Variants in ZNF519 observed in about 807,000 individuals in gnomAD.
ZNF519 encodes similar to Zinc finger protein 85 (Zinc finger protein HPF4) (HTF1).
A neutral mutation model predicts 7.4 loss-of-function variants in ZNF519; 7 were observed. The ratio of observed to expected loss-of-function variants is 0.94; its 90% CI spans 0.54 to 1.77. The LOEUF (loss-of-function observed/expected upper bound fraction) is 1.77, where lower values mean the gene tolerates loss of function less well. ZNF519 is among the 40% of genes most tolerant of loss of function. The pLI, the probability that ZNF519 is intolerant of heterozygous loss-of-function variation, is 0.00. For missense variants in ZNF519, 586 were observed against 623.1 expected (o/e 0.94, Z 0.63); for synonymous variants, 179 against 203.3 (o/e 0.88, Z 1.02).
At position 14,104,288 on chromosome 18, in the gene ZNF519, C is replaced by A. The variant is rs1408520683; in HGVS notation, c.*629G>T. 6.6e-6 allele frequency: 1 copy of A among 152,156 alleles called. No individual in the cohort carries two copies. Among genetic ancestry groups the A allele is most frequent in the African/African-American group, 2.4e-5 (1 of 41,436 alleles). 9.4% of individuals were successfully genotyped at this position (152,156 alleles called of 1,614,324 possible). ...TTCTGTCTCACACTTTAATGCAGAACAATAATATTCTGAACACCTAACTCA... is the reference window on the plus strand; with the variant it reads ...TTCTGTCTCACACTTTAATGCAGAAAAATAATATTCTGAACACCTAACTCA... On this transcript the variant is annotated 3_prime_UTR_variant, in exon 3 of 3. Coordinates refer to ENST00000590202, the MANE Select transcript of ZNF519 (RefSeq NM_145287.4).
At chr18:14,132,254 C>T (rs1411226481) in intron 1 of ZNF519, 21 bp downstream of exon 1, 4 of 1,613,562 alleles carry the variant, frequency 2.5e-6, no homozygotes, top group African/African-American at 2.7e-5. Flanking sequence ...AGTCTCGGTA[C>T]GCCCTGCCCC....
intron 2 of ZNF519, among the ~76,000 whole-genome samples, chr18:14,108,737 A>C (rs2046206554): frequency 6.6e-6 from 1 of 152,216 alleles, no homozygotes; most frequent in South Asian, 2.1e-4. Context: ...TAGTAGCTAT[A>C]CTTATATCAG....
intron 2 of ZNF519, among the ~76,000 whole-genome samples, chr18:14,111,069 G>C (rs1426831233): frequency 6.9e-6 from 1 of 144,740 alleles, no homozygotes; most frequent in East Asian, 2.0e-4. Flanking sequence ...AGCAAACAAA[G>C]CCAAAATTAG....
At chr18:14,117,737 T>C (rs1217385427) in intron 2 of ZNF519, among the ~76,000 whole-genome samples, 1 of 151,930 alleles carries the variant, frequency 6.6e-6, no homozygotes, top group Non-Finnish European at 1.5e-5. Context: ...AGGGAGTGAG[T>C]CATCTCACAT....
chr18:14,078,421 T>G (rs1598505892), intron 3 of ZNF519: 1 of 152,196 alleles, frequency 6.6e-6, no homozygotes, highest in African/African-American at 2.4e-5. Flanking sequence ...GACTCCAAAC[T>G]GCACAATATT....
rs190230493 is a variant in ZNF519 at position 14,086,453 on chromosome 18, G to A, written c.131-1377C>T. 6.8e-3 allele frequency among the ~76,000 whole-genome samples: 1,043 copies of A among 152,322 alleles called. 30 individuals are homozygous for A. The highest frequency in any genetic ancestry group is 0.053 in the Admixed American group (807 of 15,302). On this transcript the variant is annotated intron_variant and NMD_transcript_variant, in intron 2 of 4. Coordinates refer to the ZNF519 transcript ENST00000587419. ...ATGATGTAGCATCATAGCAGCTGTG[G>A]TGGCCACAGGACTCCCTGTCTCATC...
At chr18:14,114,666 G>T (rs1157845759) in intron 2 of ZNF519, among the ~76,000 whole-genome samples, 1 of 152,128 alleles carries the variant, frequency 6.6e-6, no homozygotes, top group East Asian at 1.9e-4. Context: ...AGTATAGTGG[G>T]GGGTTGGTGG....
intron 2 of ZNF519, chr18:14,090,647 T>G (rs2046110718): frequency 6.6e-6 from 1 of 152,300 alleles, no homozygotes; most frequent in Non-Finnish European, 1.5e-5. Context: ...TCACTTCGAC[T>G]CCATCTGAGG....
chr18:14,113,289 ACT>A (rs1360425457), intron 2 of ZNF519, among the ~76,000 whole-genome samples: 1 of 152,218 alleles, frequency 6.6e-6, no homozygotes, highest in African/African-American at 2.4e-5. Context: ...CCCTCTGCTC[ACT>A]GAGATAAATG....
intron 2 of ZNF519, among the ~76,000 whole-genome samples, chr18:14,106,786 G>A (rs1182435569): frequency 1.3e-5 from 2 of 152,088 alleles, no homozygotes; most frequent in African/African-American, 4.8e-5. Context: ...GATAGAAGCT[G>A]TACACTTGGG....
At chr18:14,087,770 C>A (rs893070665) in intron 2 of ZNF519, among the ~76,000 whole-genome samples, 2 of 152,162 alleles carry the variant, frequency 1.3e-5, no homozygotes, top group African/African-American at 4.8e-5. Context: ...ATAAAAAGAG[C>A]ATAGCTTGGT....
intron 2 of ZNF519, among the ~76,000 whole-genome samples, chr18:14,113,622 C>T (rs1031298628): frequency 2.6e-5 from 4 of 151,892 alleles, no homozygotes; most frequent in African/African-American, 7.3e-5. Context: ...GTGCAAATCT[C>T]TCTCTGATGT....
intron 1 of ZNF519, among the ~76,000 whole-genome samples, chr18:14,125,467 C>T (rs1328641894): frequency 6.6e-6 from 1 of 152,138 alleles, no homozygotes; most frequent in Non-Finnish European, 1.5e-5. Flanking sequence ...GATTTAAATG[C>T]AGGGCCTGCC....
At chr18:14,082,866 T>G (rs796413530) in intron 3 of ZNF519, 1 of 152,196 alleles carries the variant, frequency 6.6e-6, no homozygotes, top group African/African-American at 2.4e-5. Context: ...TTTTAAAAAT[T>G]CTGTAGAGAC....
intron 3 of ZNF519, among the ~76,000 whole-genome samples, chr18:14,079,006 A>G (rs2046059773): frequency 6.6e-6 from 1 of 152,230 alleles, no homozygotes; most frequent in South Asian, 2.1e-4. Context: ...TATCCTTGGC[A>G]TAAGCTGGCA....
intron 1 of ZNF519, among the ~76,000 whole-genome samples, chr18:14,129,982 G>C (rs1413356675): frequency 1.3e-5 from 2 of 152,110 alleles, no homozygotes; most frequent in African/African-American, 4.8e-5. Context: ...AGCTGGGGCA[G>C]GTAGGTAATT....
chr18:14,105,152 T>G lies in ZNF519; in HGVS notation c.1388A>C (p.Glu463Ala). 6.2e-7 allele frequency: 1 copy of G among 1,613,372 alleles called. No homozygotes were observed. The highest frequency in any genetic ancestry group is 1.1e-5 in the South Asian group (1 of 91,034). Residue 463 changes from glutamate to alanine, a missense_variant, in exon 3 of 3, where the codon GAA becomes GCA. Coordinates refer to ENST00000590202, the MANE Select transcript of ZNF519 (RefSeq NM_145287.4). ...CCAGATAAAAGCTTTGCCACATTCT[T>G]CACATTTGAAAGACTTCTCTCCAGT... ...IHTGEKSFKC[E>A]ECGKAFIWGS...
chr18:14,105,003 C>T lies in ZNF519; in HGVS notation c.1537G>A (p.Glu513Lys), dbSNP rs769140813. 6.2e-7 allele frequency: 1 copy of T among 1,601,934 alleles called. No individual in the cohort carries two copies. Among genetic ancestry groups the T allele is most frequent in the Non-Finnish European group, 8.5e-7 (1 of 1,173,238 alleles). ...CATTCTTTACATTTGAAAGGTTTCT[C>T]TCCAGTATGAATTCTCTGATGTTGA... ...LTQHQRIHTG[E>K]KPFKCKECGK... The change falls in exon 3 of 3, where the codon GAG becomes AAG. Residue 513 changes from glutamate to lysine, a missense_variant. Glu to Lys is a moderately conservative substitution (Grantham distance 56, BLOSUM62 1). Coordinates refer to ENST00000590202, the MANE Select transcript of ZNF519 (RefSeq NM_145287.4).
chr18:14,104,901 T>C lies in ZNF519; in HGVS notation c.*16A>G, dbSNP rs776020058. 6.6e-7 allele frequency: 1 copy of C among 1,516,068 alleles called. No individual in the cohort carries two copies. Among genetic ancestry groups the C allele is most frequent in the Non-Finnish European group, 8.8e-7 (1 of 1,134,764 alleles). The allele number at this position is 1,516,068 out of a possible 1,614,324, so 93.9% of individuals were successfully genotyped here. On this transcript the variant is annotated 3_prime_UTR_variant, in exon 3 of 3. Coordinates refer to ENST00000590202, the MANE Select transcript of ZNF519 (RefSeq NM_145287.4). Reference sequence around the variant, plus strand: ...CAGTTTAGGGTTTTAGCACATTCTTTACACTTGCAGGGTTTCTACCTGGTA... The same window carrying C: ...CAGTTTAGGGTTTTAGCACATTCTTCACACTTGCAGGGTTTCTACCTGGTA...
Sources: allele counts gnomAD v4.1 joint callset (sites outside exome capture counted in the v4.1 genomes callset), GRCh38; gene constraint gnomAD v4.1.1; transcripts MANE v1.5; gene names NCBI Gene and HGNC (gene_info 2026-07-23, HGNC 2026-07-21).